Variants in PTPRR observed in about 807,000 individuals in gnomAD.
PTPRR encodes receptor-type tyrosine-protein phosphatase R.
PTPRR carries 38 observed loss-of-function variants against 77.2 expected under a neutral mutation model. That is an observed-to-expected ratio of 0.49 (90% CI 0.38 to 0.65). The LOEUF is 0.65. Among genes scored for constraint, PTPRR ranks in the 30% least tolerant of loss-of-function variants. The pLI, the probability that PTPRR is intolerant of heterozygous loss-of-function variation, is 0.00. For missense variants in PTPRR, 744 were observed against 799.2 expected (o/e 0.93, Z 0.83); for synonymous variants, 299 against 283.1 (o/e 1.06, Z -0.57).
At chr12:70,666,456 G>A (rs1384133640) in intron 10 of PTPRR, among the ~76,000 whole-genome samples, 2 of 152,044 alleles carry the variant, frequency 1.3e-5, no homozygotes, top group Non-Finnish European at 2.9e-5. Context: ...TATGGCAGGT[G>A]TACTTATTAT....
chr12:70,765,390 A>G (rs11178400), intron 2 of PTPRR, among the ~76,000 whole-genome samples: 8,122 of 152,286 alleles, frequency 0.053, 268 homozygotes, highest in Admixed American at 0.082. Context: ...TCCTATGCCC[A>G]TGGAGTCTTG....
chr12:70,797,626 T>C (rs1400038890), intron 2 of PTPRR, among the ~76,000 whole-genome samples: 1 of 152,206 alleles, frequency 6.6e-6, no homozygotes, highest in Non-Finnish European at 1.5e-5. Flanking sequence ...GTCAATGGTC[T>C]CACCAATGAC....
chr12:70,865,027 C>T (rs915195516), intron 2 of PTPRR, among the ~76,000 whole-genome samples: 1 of 152,120 alleles, frequency 6.6e-6, no homozygotes, highest in Non-Finnish European at 1.5e-5. Flanking sequence ...GTTGGTCAGG[C>T]TGGTCTCGAA....
intron 2 of PTPRR, among the ~76,000 whole-genome samples, chr12:70,866,212 C>A (rs962131229): frequency 1.3e-5 from 2 of 151,848 alleles, no homozygotes; most frequent in African/African-American, 4.8e-5. Flanking sequence ...AATAGAGACA[C>A]AAAAAACCCT....
intron 1 of PTPRR, among the ~76,000 whole-genome samples, chr12:70,903,841 A>G (rs1011685639): frequency 2.0e-5 from 3 of 151,794 alleles, no homozygotes; most frequent in Non-Finnish European, 4.4e-5. Context: ...TATCCAACAA[A>G]AGGTTTGTAA....
chr12:70,691,133 T>C (rs1458513581), intron 8 of PTPRR, among the ~76,000 whole-genome samples: 1 of 152,174 alleles, frequency 6.6e-6, no homozygotes, highest in Non-Finnish European at 1.5e-5. Flanking sequence ...TCCTCCATGC[T>C]CATCTGCAAC....
intron 2 of PTPRR, among the ~76,000 whole-genome samples, chr12:70,886,301 C>T (rs145103088): frequency 6.6e-6 from 1 of 152,250 alleles, no homozygotes; most frequent in East Asian, 1.9e-4. Context: ...TTCTGCAATG[C>T]TAGTCTGGCG....
chr12:70,748,633 C>A (rs1008389388), intron 5 of PTPRR, among the ~76,000 whole-genome samples: 3 of 151,942 alleles, frequency 2.0e-5, no homozygotes, highest in East Asian at 1.9e-4. Context: ...ATAAAAAAAC[C>A]AGAGGAACAC....
At chr12:70,786,551 T>C (rs1891325537) in intron 2 of PTPRR, among the ~76,000 whole-genome samples, 1 of 152,204 alleles carries the variant, frequency 6.6e-6, no homozygotes, top group African/African-American at 2.4e-5. Context: ...GACTTTCAAC[T>C]GATCACATGC....
chr12:70,791,085 G>A (rs1308894734), intron 2 of PTPRR, among the ~76,000 whole-genome samples: 1 of 152,104 alleles, frequency 6.6e-6, no homozygotes, highest in African/African-American at 2.4e-5. Flanking sequence ...TTTATTTTCT[G>A]CAAAAACCTG....
intron 2 of PTPRR, among the ~76,000 whole-genome samples, chr12:70,879,394 T>TAA (rs75616879): frequency 7.1e-6 from 1 of 140,282 alleles, no homozygotes. Context: ...GATCCTATTG[T>TAA]AAAAAAAAAA....
chr12:70,760,572 T>C (rs1027686240), intron 4 of PTPRR, among the ~76,000 whole-genome samples: 3 of 152,138 alleles, frequency 2.0e-5, no homozygotes, highest in African/African-American at 7.2e-5. Flanking sequence ...GGTGGGAGAA[T>C]TGCTTGAGGC....
intron 2 of PTPRR, among the ~76,000 whole-genome samples, chr12:70,851,051 T>C (rs1044982369): frequency 2.0e-5 from 3 of 152,180 alleles, no homozygotes; most frequent in African/African-American, 4.8e-5. Flanking sequence ...AAATATGTTA[T>C]ACATAAGTCA....
chr12:70,893,115 T>G, intron 1 of PTPRR, 138 bp from the exon 2 acceptor site: 1 of 939,794 alleles, frequency 1.1e-6, no homozygotes, highest in Non-Finnish European at 1.6e-6. Context: ...CATATTTCTT[T>G]GTCTGCTTCA....
At chr12:70,738,805 G>C (rs1477730706) in intron 6 of PTPRR, among the ~76,000 whole-genome samples, 1 of 152,224 alleles carries the variant, frequency 6.6e-6, no homozygotes, top group Non-Finnish European at 1.5e-5. Context: ...CACTGTGCCA[G>C]CCATGTGACA....
At chr12:70,842,848 C>T (rs1247182599) in intron 2 of PTPRR, among the ~76,000 whole-genome samples, 1 of 152,144 alleles carries the variant, frequency 6.6e-6, no homozygotes, top group Non-Finnish European at 1.5e-5. Flanking sequence ...TTTTGGCCTA[C>T]CACAGCAAGA....
At chr12:70,754,573 C>T (rs1244587757) in intron 4 of PTPRR, 5 of 1,597,510 alleles carry the variant, frequency 3.1e-6, no homozygotes, top group Non-Finnish European at 3.4e-6. Context: ...CAGCGTCTCT[C>T]TTGGAAACTA....
intron 13 of PTPRR, 119 bp downstream of exon 13, chr12:70,656,585 A>G (rs2136663799): frequency 4.4e-6 from 3 of 683,028 alleles, no homozygotes; most frequent in Non-Finnish European, 7.7e-6. Flanking sequence ...GCATTTTACA[A>G]GCATCTCTAC....
At chr12:70,680,788 T>C (rs767174098) in intron 10 of PTPRR, among the ~76,000 whole-genome samples, 9 of 152,174 alleles carry the variant, frequency 5.9e-5, no homozygotes, top group Non-Finnish European at 1.3e-4. Flanking sequence ...CTGGTGAGCT[T>C]ACTGGTGGTA....
Sources: gnomAD v4.1 joint callset for allele counts (sites outside exome capture counted in the v4.1 genomes callset) on GRCh38, gnomAD v4.1.1 for gene constraint, MANE v1.5 for transcripts, NCBI Gene and HGNC (gene_info 2026-07-23, HGNC 2026-07-21) for gene names.